RAP1A: variants seen among roughly 807,000 people sequenced by gnomAD.
RAP1A encodes the protein ras-related protein Rap-1A.
In RAP1A, 6 loss-of-function variants were observed where a neutral mutation model predicts 26.4. The observed-to-expected ratio is 0.23, with a 90% CI of 0.12 to 0.45. The LOEUF is 0.45. Among genes scored for constraint, RAP1A ranks in the 20% least tolerant of loss-of-function variants. The pLI, the probability that RAP1A is intolerant of heterozygous loss-of-function variation, is 0.99. For synonymous variants in RAP1A, 73 were observed against 79.4 expected, an observed-to-expected ratio of 0.92 and a Z score of 0.43; for missense variants, 121 against 217.2, an observed-to-expected ratio of 0.56 and a Z score of 2.78.
chr1:111,620,632 C>T (rs1659170047), intron 1 of RAP1A, among the ~76,000 whole-genome samples: 1 of 152,224 alleles, frequency 6.6e-6, no homozygotes, highest in Non-Finnish European at 1.5e-5. Flanking sequence ...ACCTTCCAGC[C>T]CCTTTCCCGC....
At chr1:111,642,446 C>G (rs1439489008) in intron 1 of RAP1A, among the ~76,000 whole-genome samples, 1 of 151,622 alleles carries the variant, frequency 6.6e-6, no homozygotes. Context: ...CTTGCTTATT[C>G]CTCCTGAAGT....
chr1:111,669,226 A>G (rs1660899192), intron 1 of RAP1A, among the ~76,000 whole-genome samples: 2 of 152,196 alleles, frequency 1.3e-5, no homozygotes, highest in Non-Finnish European at 2.9e-5. Context: ...CTAAATTGCT[A>G]GTTTTCCCTG....
chr1:111,614,859 G>A (rs537214502), upstream of RAP1A, among the ~76,000 whole-genome samples: 1 of 152,110 alleles, frequency 6.6e-6, no homozygotes, highest in African/African-American at 2.4e-5. Flanking sequence ...GACTTGCAAG[G>A]AATAATATTT....
chr1:111,590,090 T>C (rs1056635956), intron 1 of RAP1A, among the ~76,000 whole-genome samples: 1 of 152,190 alleles, frequency 6.6e-6, no homozygotes, highest in Non-Finnish European at 1.5e-5. Flanking sequence ...TCTAATTATT[T>C]GTTTTTTCTT....
intron 6 of RAP1A, among the ~76,000 whole-genome samples, chr1:111,708,099 C>T (rs1331106042): frequency 2.0e-5 from 3 of 152,158 alleles, no homozygotes; most frequent in Non-Finnish European, 4.4e-5. Flanking sequence ...TCACTTGAGC[C>T]TGGGAAGTGG....
intron 1 of RAP1A, among the ~76,000 whole-genome samples, chr1:111,570,655 C>T (rs1023161443): frequency 6.6e-6 from 1 of 152,150 alleles, no homozygotes; most frequent in Non-Finnish European, 1.5e-5. Context: ...AAGGGCATGG[C>T]CCTGGCTTCT....
At chr1:111,582,048 C>T (rs1658267324) in intron 1 of RAP1A, among the ~76,000 whole-genome samples, 3 of 152,082 alleles carry the variant, frequency 2.0e-5, no homozygotes, top group Non-Finnish European at 4.4e-5. Context: ...TAAGTCTCAC[C>T]CTAAAATCTA....
At chr1:111,683,608 C>T (rs1337685756) in intron 1 of RAP1A, among the ~76,000 whole-genome samples, 5 of 152,010 alleles carry the variant, frequency 3.3e-5, no homozygotes, top group African/African-American at 9.7e-5. Context: ...AAGACTAAAC[C>T]ACAAAGAAGT....
chr1:111,611,592 A>C (rs1406160990), intron 1 of RAP1A, among the ~76,000 whole-genome samples: 1 of 152,212 alleles, frequency 6.6e-6, no homozygotes, highest in East Asian at 1.9e-4. Flanking sequence ...TAAATTTTTA[A>C]ATGTATTATT....
At chr1:111,700,776 T>A (rs773819314) in intron 4 of RAP1A, among the ~76,000 whole-genome samples, 1 of 152,198 alleles carries the variant, frequency 6.6e-6, no homozygotes, top group Non-Finnish European at 1.5e-5. Context: ...TAGTACCTTT[T>A]TAGTTGGTTA....
At position 111,703,333 on chromosome 1, in the gene RAP1A, T is replaced by C. The variant is rs1432534498; in HGVS notation, c.184-3T>C. ...TTATAATTGCATATTTTTTAAATCA[T>C]AGGAGCAATTTACAGCAATGAGGGA... On this transcript the variant is annotated splice_region_variant and splice_polypyrimidine_tract_variant and intron_variant, in intron 4 of 7. Coordinates refer to ENST00000369709, the MANE Select transcript of RAP1A (RefSeq NM_002884.4). 4 of 1,533,164 alleles carry C rather than the reference T, an allele frequency of 2.6e-6. No individual in the cohort carries two copies. Among genetic ancestry groups the C allele is most frequent in the East Asian group, 4.6e-5 (2 of 43,642 alleles). 95.0% of individuals were successfully genotyped at this position (1,533,164 alleles called of 1,614,324 possible).
chr1:111,614,223 G>A (rs1032420416), intron 1 of RAP1A, among the ~76,000 whole-genome samples: 15 of 152,054 alleles, frequency 9.9e-5, no homozygotes, highest in African/African-American at 3.1e-4. Flanking sequence ...CTAATAATAC[G>A]TACTTTAATG....
chr1:111,704,990 G>A (rs901682324), intron 6 of RAP1A, among the ~76,000 whole-genome samples: 1 of 152,058 alleles, frequency 6.6e-6, no homozygotes, highest in Non-Finnish European at 1.5e-5. Context: ...GCCTGATACA[G>A]CTGATGCACA....
At chr1:111,549,673 A>ATC (rs900329502) in intron 1 of RAP1A, among the ~76,000 whole-genome samples, 16 of 150,328 alleles carry the variant, frequency 1.1e-4, no homozygotes, top group African/African-American at 3.2e-4. Flanking sequence ...AAAAGACAAG[A>ATC]TCTCTCTCTC....
chr1:111,670,472 C>T (rs1660940407), intron 1 of RAP1A, among the ~76,000 whole-genome samples: 1 of 151,896 alleles, frequency 6.6e-6, no homozygotes, highest in South Asian at 2.1e-4. Flanking sequence ...GAGACTCTGT[C>T]TCAAACTAAC....
intron 1 of RAP1A, among the ~76,000 whole-genome samples, chr1:111,605,528 A>G (rs987988407): frequency 7.9e-5 from 12 of 152,216 alleles, no homozygotes; most frequent in Non-Finnish European, 1.2e-4. Flanking sequence ...CAAGCATGGT[A>G]TGGAAGAAGC....
intron 1 of RAP1A, among the ~76,000 whole-genome samples, chr1:111,654,226 T>A (rs563476923): frequency 6.6e-6 from 1 of 152,368 alleles, no homozygotes; most frequent in South Asian, 2.1e-4. Context: ...GAATTTGCCA[T>A]CTTTTTTATT....
chr1:111,614,697 T>C (rs1431182859), intron 1 of RAP1A, among the ~76,000 whole-genome samples: 1 of 152,190 alleles, frequency 6.6e-6, no homozygotes, highest in Non-Finnish European at 1.5e-5. Flanking sequence ...TTTTGAGGGC[T>C]AGTGATGTTA....
Position 111,713,020 on chromosome 1 carries a change from ATAAT to A in RAP1A, c.*620_*623del, listed in dbSNP as rs1662432564. The stretch of plus-strand genomic sequence containing the variant: ...TCTATGGCTTTCAAAGCTAAAATAT[ATAAT>A]ATACTAAACCAACTCTAATATTGCT... On this transcript the variant is annotated 3_prime_UTR_variant, in exon 8 of 8. Coordinates refer to ENST00000369709, the MANE Select transcript of RAP1A (RefSeq NM_002884.4). 1 of 152,614 alleles carries A rather than the reference ATAAT, an allele frequency of 6.6e-6. No homozygotes were observed. The highest frequency in any genetic ancestry group is 2.4e-5 in the African/African-American group (1 of 41,468). The allele number at this position is 152,614 out of a possible 1,614,324, so 9.5% of individuals were successfully genotyped here.
Sources: gnomAD v4.1 joint callset for allele counts (sites outside exome capture counted in the v4.1 genomes callset) on GRCh38, gnomAD v4.1.1 for gene constraint, MANE v1.5 for transcripts, NCBI Gene and HGNC (gene_info 2026-07-23, HGNC 2026-07-21) for gene names.